Variants in DGKD observed in about 807,000 individuals in gnomAD.
DGKD encodes the protein DAG kinase delta.
A neutral mutation model predicts 154.4 loss-of-function variants in DGKD; 68 were observed. That is an observed-to-expected ratio of 0.44 (90% confidence interval 0.36 to 0.54). DGKD has a LOEUF of 0.54. Ranked by LOEUF, DGKD falls within the 20% of genes least tolerant of loss-of-function variation. The pLI, the probability that DGKD is intolerant of heterozygous loss-of-function variation, is 0.00. For missense variants in DGKD, 1,343 were observed against 1,593.6 expected (o/e 0.84, Z 2.68); for synonymous variants, 693 against 638.0 (o/e 1.09, Z -1.30).
chr2:233,449,053 ACCCTGTTC>A lies in DGKD; in HGVS notation c.1615-49_1615-42del, dbSNP rs1257132663. ...ATGGCCTGAGGTTCCCTGCCTGCAG[ACCCTGTTC>A]TCCTGCCTCAGCTCTGCATGCCATT... On this transcript the variant is annotated intron_variant, in intron 14 of 29. Transcript: ENST00000264057. This position sits in a 1 kb window ranked among gnomAD's most constrained non-coding sequence, Gnocchi z 5.3. The A allele has an allele frequency of 1.3e-6, 2 of 1,536,082 alleles. No individual in the cohort carries two copies. The highest frequency in any genetic ancestry group is 1.9e-5 in the Admixed American group (1 of 52,936).
chr2:233,456,830 C>T (rs1490020514), intron 19 of DGKD, 69 bp from the exon 20 acceptor site: 14 of 1,229,684 alleles, frequency 1.1e-5, no homozygotes, highest in Middle Eastern at 1.9e-4. Flanking sequence ...CCAGCTTTCA[C>T]AGAAATGACT....
chr2:233,450,557 C>T (rs1166656431), intron 16 of DGKD, among the ~76,000 whole-genome samples: 1 of 152,166 alleles, frequency 6.6e-6, no homozygotes, highest in Non-Finnish European at 1.5e-5. Context: ...GGAGGGCACC[C>T]CCAGCCTGTG....
At chr2:233,390,827 G>C (rs1297774227) in intron 3 of DGKD, among the ~76,000 whole-genome samples, 1 of 152,158 alleles carries the variant, frequency 6.6e-6, no homozygotes, top group Non-Finnish European at 1.5e-5. Flanking sequence ...TCCGCCTCCC[G>C]AGTTCAAGCG....
intron 3 of DGKD, among the ~76,000 whole-genome samples, chr2:233,419,586 T>TA (rs11405439): frequency 0.11 from 17,429 of 152,158 alleles, 1,125 homozygotes; most frequent in African/African-American, 0.19. Context: ...CTGGAATTTT[T>TA]AAGGTATAGG....
chr2:233,448,941 A>C (rs2063175931), intron 14 of DGKD, among the ~76,000 whole-genome samples, 162 bp from the exon 15 acceptor site: 1 of 152,192 alleles, frequency 6.6e-6, no homozygotes. Flanking sequence ...GGGGATTTGC[A>C]AAGGGAGTAG....
intron 1 of DGKD, among the ~76,000 whole-genome samples, chr2:233,355,859 C>T (rs1422561950): frequency 6.6e-6 from 1 of 152,120 alleles, no homozygotes; most frequent in African/African-American, 2.4e-5. Context: ...TGGTGAGAAC[C>T]CAATAAGTTG....
chr2:233,458,007 T>C lies in DGKD; in HGVS notation c.2581-277T>C, dbSNP rs1236170762. On this transcript the variant is annotated intron_variant, in intron 21 of 29. Transcript: ENST00000264057. This position sits in a 1 kb window ranked among gnomAD's most constrained non-coding sequence, Gnocchi z 6.6. The stretch of plus-strand genomic sequence containing the variant: ...GCAGCGTTAACTCACTTGGCCCTAC[T>C]GATGGCCCTGGAGGAGCGTGCCGTT... Among the ~76,000 whole-genome samples, 1 of 152,164 alleles carries C rather than the reference T, an allele frequency of 6.6e-6. No homozygotes were observed. Among genetic ancestry groups the C allele is most frequent in the Non-Finnish European group, 1.5e-5 (1 of 68,012 alleles).
chr2:233,396,525 G>A (rs1460137710), intron 3 of DGKD, among the ~76,000 whole-genome samples: 1 of 152,116 alleles, frequency 6.6e-6, no homozygotes, highest in East Asian at 1.9e-4. Flanking sequence ...CACATACATA[G>A]AACCTTAGTT....
intron 12 of DGKD, chr2:233,447,546 AGT>A: frequency 2.0e-6 from 2 of 984,974 alleles, no homozygotes; most frequent in South Asian, 9.4e-5. Flanking sequence ...TGAGAGGAAG[AGT>A]GTGTGGGGGA....
chr2:233,466,975 G>C (rs1368789744), intron 27 of DGKD, 111 bp from the exon 28 acceptor site: 1 of 802,148 alleles, frequency 1.2e-6, no homozygotes, highest in African/African-American at 1.7e-5. Flanking sequence ...GTCTTTCCCA[G>C]CTCCCGCTCA....
chr2:233,444,599 C>T (rs144326720), intron 10 of DGKD, among the ~76,000 whole-genome samples: 25 of 149,320 alleles, frequency 1.7e-4, no homozygotes, highest in Admixed American at 6.7e-4. Context: ...AGGAAGCCCT[C>T]GCGGAGTCCT....
intron 3 of DGKD, among the ~76,000 whole-genome samples, chr2:233,428,728 A>C (rs1002546960): frequency 2.0e-5 from 3 of 152,188 alleles, no homozygotes; most frequent in African/African-American, 7.2e-5. Context: ...ACAGCCCTGC[A>C]GGTTGCTTCT....
In DGKD at chr2:233,463,487, A is replaced by G. The variant is rs1479675094; in HGVS notation, c.3187-677A>G. On this transcript the variant is annotated intron_variant, in intron 26 of 29. Transcript: ENST00000264057. Reference sequence around the variant, plus strand: ...ATGTCCTCACTGCACGCATGTCCTCACTGCACGCATGTCCTCACTGCACGC... The same window carrying G: ...ATGTCCTCACTGCACGCATGTCCTCGCTGCACGCATGTCCTCACTGCACGC... Among the ~76,000 whole-genome samples, 29 of 103,472 alleles carry G rather than the reference A, an allele frequency of 2.8e-4. 1 individual carries two copies. The highest frequency in any genetic ancestry group is 1.3e-3 in the African/African-American group (22 of 17,322). 67.9% of individuals were successfully genotyped at this position (103,472 alleles called of 152,430 possible).
In DGKD at chr2:233,468,517, C is replaced by T. The variant is rs745377610; in HGVS notation, c.3519C>T (p.Gly1173=). 6.2e-7 allele frequency: 1 copy of T among 1,613,740 alleles called. No individual in the cohort carries two copies. Among genetic ancestry groups the T allele is most frequent in the African/African-American group, 1.3e-5 (1 of 74,810 alleles). The change falls in exon 29 of 30, where the codon GGC becomes GGT. Residue 1173 remains glycine, a synonymous_variant. Coordinates refer to ENST00000264057, the MANE Select transcript of DGKD (RefSeq NM_152879.3). The part of the protein sequence containing the change: ...KDIFTRHDIR[G]SELLHLERRD... ...TCTTCACACGGCACGACATCCGGGG[C>T]TCTGAGCTCCTGCACCTGGAGCGGA...
rs1033788955 is a variant in DGKD at position 233,438,562 on chromosome 2, A to G, written c.1085+183A>G. ...CTTAATAGAGGTGCATGGCCTTCCAACTTTGAACACAGTGCGCGTGTGCAC... is the reference window on the plus strand; with the variant it reads ...CTTAATAGAGGTGCATGGCCTTCCAGCTTTGAACACAGTGCGCGTGTGCAC... On this transcript the variant is annotated intron_variant, in intron 9 of 29. Transcript: ENST00000264057. The surrounding 1 kb of genome is among the most constrained non-coding windows in gnomAD (Gnocchi z 4.1). Among the ~76,000 whole-genome samples, 1 of 152,192 alleles carries G rather than the reference A, an allele frequency of 6.6e-6. No individual in the cohort carries two copies. Among genetic ancestry groups the G allele is most frequent in the African/African-American group, 2.4e-5 (1 of 41,450 alleles).
At chr2:233,385,140 C>T (rs1417304823) in intron 1 of DGKD, among the ~76,000 whole-genome samples, 1 of 152,156 alleles carries the variant, frequency 6.6e-6, no homozygotes, top group Admixed American at 6.5e-5. Context: ...ACTTTCCCTG[C>T]CTCCTGGTTT....
chr2:233,382,647 C>T (rs543892968), intron 1 of DGKD, among the ~76,000 whole-genome samples: 2 of 152,304 alleles, frequency 1.3e-5, no homozygotes, highest in East Asian at 1.9e-4. Context: ...CACGTGGCAG[C>T]TGTTTTTCAT....
At chr2:233,393,408 C>T (rs917598506) in intron 3 of DGKD, among the ~76,000 whole-genome samples, 3 of 147,708 alleles carry the variant, frequency 2.0e-5, no homozygotes, top group Non-Finnish European at 4.4e-5. Context: ...GTGATCTCGG[C>T]TCATGGCAAC....
Position 233,439,476 on chromosome 2 carries a change from G to C in DGKD, c.1085+1097G>C, listed in dbSNP as rs184670097. On this transcript the variant is annotated intron_variant, in intron 9 of 29. Coordinates refer to ENST00000264057, the MANE Select transcript of DGKD (RefSeq NM_152879.3). ...ATTCCAGCCTGCTTCCGCAAAGGCA[G>C]TACTCCCACATTTTCTGTAGAAAGA... Among the ~76,000 whole-genome samples the C allele has an allele frequency of 1.7e-4, 26 of 152,376 alleles. 1 individual carries two copies. Among genetic ancestry groups the C allele is most frequent in the Admixed American group, 2.0e-4 (3 of 15,312 alleles).
Sources: gnomAD v4.1 joint callset for allele counts (sites outside exome capture counted in the v4.1 genomes callset) on GRCh38, gnomAD v4.1.1 for gene constraint, Gnocchi (gnomAD v3.1) non-coding constraint, MANE v1.5 for transcripts, NCBI Gene and HGNC (gene_info 2026-07-23, HGNC 2026-07-21) for gene names.